The following COL25A1 variants were observed in gnomAD, a reference collection of about 807,000 sequenced individuals.
The protein encoded by COL25A1 is collagen alpha-1(XXV) chain.
Under a neutral mutation model 128.4 loss-of-function variants are expected in COL25A1, and 103 were observed. The observed-to-expected ratio is 0.80, with a 90% CI of 0.68 to 0.94. The LOEUF (loss-of-function observed/expected upper bound fraction) is 0.94, where lower values mean the gene tolerates loss of function less well. COL25A1 is among the 40% of genes least tolerant of loss of function. COL25A1 has a pLI of 0.00. For synonymous variants in COL25A1, 279 were observed against 277.2 expected, an observed-to-expected ratio of 1.01 and a Z score of -0.06; for missense variants, 745 against 840.0, an observed-to-expected ratio of 0.89 and a Z score of 1.40.
chr4:108,942,749 CTT>C (rs746618908), intron 8 of COL25A1, among the ~76,000 whole-genome samples: 16 of 69,958 alleles, frequency 2.3e-4, no homozygotes, highest in African/African-American at 7.3e-4. Flanking sequence ...CACATCTGGA[CTT>C]TTTTTTTTTT....
intron 3 of COL25A1, among the ~76,000 whole-genome samples, chr4:109,206,154 G>A (rs567928002): frequency 3.2e-4 from 48 of 152,152 alleles, no homozygotes; most frequent in South Asian, 1.2e-3. Context: ...TTATCTTATG[G>A]CATAAAACAG....
Position 108,902,441 on chromosome 4 carries a change from A to C in COL25A1, c.781-1269T>G, listed in dbSNP as rs975640456. On this transcript the variant is annotated intron_variant, in intron 13 of 37. Transcript: ENST00000399132. ...AGGTATGCTCTTAACACCATGTTAC[A>C]CTGATAAGTGAACGAATGTATCTAG... Among the ~76,000 whole-genome samples, 3 of 152,020 alleles carry C rather than the reference A, an allele frequency of 2.0e-5. 1 individual carries two copies. The highest frequency in any genetic ancestry group is 4.4e-5 in the Non-Finnish European group (3 of 67,932).
At chr4:108,988,177 A>C (rs1030075051) in intron 6 of COL25A1, among the ~76,000 whole-genome samples, 1 of 152,224 alleles carries the variant, frequency 6.6e-6, no homozygotes, top group Non-Finnish European at 1.5e-5. Flanking sequence ...AAGTTGTAGA[A>C]AGTAATTAAA....
At chr4:108,861,665 A>G (rs1737238951) in intron 22 of COL25A1, among the ~76,000 whole-genome samples, 1 of 152,222 alleles carries the variant, frequency 6.6e-6, no homozygotes, top group South Asian at 2.1e-4. Context: ...ACTGTAGAGC[A>G]GCAGGAATAG....
chr4:108,963,915 A>T (rs1206555062), intron 8 of COL25A1, among the ~76,000 whole-genome samples: 1 of 151,710 alleles, frequency 6.6e-6, no homozygotes, highest in East Asian at 1.9e-4. Context: ...ACATCCAGGG[A>T]TATATGTCAC....
chr4:108,971,255 CAA>C (rs1254975378), intron 8 of COL25A1, among the ~76,000 whole-genome samples: 3 of 152,052 alleles, frequency 2.0e-5, no homozygotes, highest in Non-Finnish European at 4.4e-5. Flanking sequence ...AATGATATAA[CAA>C]TATTTTATTC....
chr4:109,166,734 C>T (rs962924149), intron 3 of COL25A1, among the ~76,000 whole-genome samples: 2 of 152,166 alleles, frequency 1.3e-5, no homozygotes, highest in African/African-American at 4.8e-5. Context: ...TTGCACTTTG[C>T]CATTGTGTTT....
intron 3 of COL25A1, among the ~76,000 whole-genome samples, chr4:109,172,620 A>G (rs562689852): frequency 6.6e-6 from 1 of 152,320 alleles, no homozygotes; most frequent in South Asian, 2.1e-4. Flanking sequence ...CAATTCTGTA[A>G]TGACTGAACT....
chr4:109,271,663 C>T (rs575958016), intron 3 of COL25A1, among the ~76,000 whole-genome samples: 1 of 152,126 alleles, frequency 6.6e-6, no homozygotes, highest in South Asian at 2.1e-4. Flanking sequence ...GAGAAATTTG[C>T]CCAGCATCTT....
At chr4:109,119,182 A>T (rs959425149) in intron 3 of COL25A1, among the ~76,000 whole-genome samples, 1 of 152,048 alleles carries the variant, frequency 6.6e-6, no homozygotes. Flanking sequence ...AATAGACCTT[A>T]CCAAAATTTG....
At chr4:108,940,728 T>C (rs1747989744) in intron 9 of COL25A1, 82 bp from the exon 10 acceptor site, 1 of 866,942 alleles carries the variant, frequency 1.2e-6, no homozygotes, top group South Asian at 1.7e-5. Context: ...TAAATTTGTA[T>C]TATCTAATTC....
chr4:109,108,477 G>C (rs3113714), intron 3 of COL25A1, among the ~76,000 whole-genome samples: 31,827 of 151,466 alleles, frequency 0.21, 3,967 homozygotes, highest in East Asian at 0.38. Context: ...TGTGAATAGT[G>C]CTGCAATAAA....
At chr4:108,950,536 G>C (rs1749291591) in intron 8 of COL25A1, among the ~76,000 whole-genome samples, 1 of 152,156 alleles carries the variant, frequency 6.6e-6, no homozygotes, top group Admixed American at 6.5e-5. Flanking sequence ...CTAGATGAAT[G>C]CTGGAAAAAC....
chr4:108,907,313 T>C (rs1462818581), intron 13 of COL25A1, among the ~76,000 whole-genome samples: 3 of 152,226 alleles, frequency 2.0e-5, no homozygotes, highest in Non-Finnish European at 4.4e-5. Flanking sequence ...CAATTCATCC[T>C]GTGGGTCCAG....
At chr4:109,174,872 AG>A (rs931524739) in intron 3 of COL25A1, among the ~76,000 whole-genome samples, 3 of 152,232 alleles carry the variant, frequency 2.0e-5, no homozygotes, top group Non-Finnish European at 4.4e-5. Context: ...GCCTCGCAGC[AG>A]GAAGCAAGCA....
chr4:108,870,952 T>A (rs1047315362), intron 19 of COL25A1, among the ~76,000 whole-genome samples: 1 of 152,154 alleles, frequency 6.6e-6, no homozygotes, highest in Non-Finnish European at 1.5e-5. Context: ...TAAAGCATAC[T>A]AATAAAAGAG....
intron 3 of COL25A1, among the ~76,000 whole-genome samples, chr4:109,257,199 T>C (rs1781139868): frequency 6.6e-6 from 1 of 152,220 alleles, no homozygotes; most frequent in Admixed American, 6.5e-5. Flanking sequence ...TCATATATCA[T>C]GTTCCCACAA....
intron 11 of COL25A1, chr4:108,920,872 A>G (rs1323277270): frequency 1.6e-5 from 5 of 316,976 alleles, no homozygotes; most frequent in Non-Finnish European, 2.3e-5. Flanking sequence ...TCCAGCACAT[A>G]TTGTTTTTTT....
intron 3 of COL25A1, among the ~76,000 whole-genome samples, chr4:109,198,119 C>T (rs116456674): frequency 6.6e-6 from 1 of 151,988 alleles, no homozygotes; most frequent in African/African-American, 2.4e-5. Context: ...TTATATCTTA[C>T]CCCGGTCGTC....
Sources: gnomAD v4.1 joint callset for allele counts (sites outside exome capture counted in the v4.1 genomes callset) on GRCh38, gnomAD v4.1.1 for gene constraint, MANE v1.5 for transcripts, NCBI Gene and HGNC (gene_info 2026-07-23, HGNC 2026-07-21) for gene names.